PFKM: variants seen among roughly 807,000 people sequenced by gnomAD.
PFKM encodes phosphofructokinase, muscle.
In PFKM, 58 loss-of-function variants were observed where a neutral mutation model predicts 95.5. The ratio of observed to expected loss-of-function variants is 0.61; its 90% CI spans 0.49 to 0.76. The LOEUF is 0.76. PFKM is among the 30% of genes least tolerant of loss of function. The pLI is 0.00. For synonymous variants in PFKM, 336 were observed against 357.2 expected (o/e 0.94, Z 0.67); for missense variants, 678 against 1,005.4 (o/e 0.67, Z 4.40).
intron 20 of PFKM, among the ~76,000 whole-genome samples, chr12:48,144,508 T>A (rs7484648): frequency 6.6e-6 from 1 of 152,162 alleles, no homozygotes; most frequent in South Asian, 2.1e-4. Flanking sequence ...ACCCACTAGA[T>A]GCCAGTAGCA....
chr12:48,105,869 G>A (rs984040131), upstream of PFKM: 13 of 606,266 alleles, frequency 2.1e-5, no homozygotes, highest in South Asian at 3.9e-5. Context: ...GGGGAGGGGA[G>A]GTGGTCCCAG....
intron 20 of PFKM, 35 bp from the exon 21 acceptor site, chr12:48,144,996 C>A: frequency 1.4e-6 from 2 of 1,414,696 alleles, no homozygotes; most frequent in South Asian, 2.3e-5. Context: ...TCATTAGAGT[C>A]CTTCCCTCTG....
intron 10 of PFKM, among the ~76,000 whole-genome samples, chr12:48,135,892 T>A (rs1950033707): frequency 1.3e-5 from 2 of 151,860 alleles, no homozygotes; most frequent in South Asian, 4.2e-4. Flanking sequence ...ATTATTATTA[T>A]TATTATTATT....
Position 48,145,791 on chromosome 12 carries a change from CT to C in PFKM, c.*84del, listed in dbSNP as rs1269610425. 4 of 1,461,932 alleles carry C rather than the reference CT, an allele frequency of 2.7e-6. No homozygotes were observed. The highest frequency in any genetic ancestry group is 3.8e-6 in the Non-Finnish European group (4 of 1,043,596). 90.6% of individuals were successfully genotyped at this position (1,461,932 alleles called of 1,614,324 possible). ...AGTCCACATCTTCTCAGTGTTTTAG[CT>C]GTTTTTTTCATTAGGTTTCCTTTTA... is the stretch of plus-strand genomic sequence containing the variant. On this transcript the variant is annotated 3_prime_UTR_variant, in exon 23 of 23. Transcript: ENST00000359794. The surrounding 1 kb of genome is among the most constrained non-coding windows in gnomAD (Gnocchi z 4.3).
chr12:48,128,416 T>C (rs1291525465), intron 2 of PFKM, among the ~76,000 whole-genome samples: 1 of 152,154 alleles, frequency 6.6e-6, no homozygotes, highest in Non-Finnish European at 1.5e-5. Flanking sequence ...ATGTCTTTTA[T>C]AGGGACCAAT....
intron 20 of PFKM, 50 bp from the exon 21 acceptor site, chr12:48,144,981 C>A: frequency 1.6e-6 from 2 of 1,264,614 alleles, no homozygotes; most frequent in Middle Eastern, 1.9e-4. Flanking sequence ...GATATCTCTG[C>A]CACTTCATTA....
In PFKM at chr12:48,143,792, G is replaced by A; in HGVS notation, c.1858G>A (p.Val620Met). ...TCTGGTGCAAAAGATGAAAACAACT[G>A]TGAAAAGGGGCTTGGTGTTAAGGTA... ...EHLVQKMKTT[V>M]KRGLVLRNEK... The change falls in exon 19 of 23, where the codon GTG becomes ATG. Residue 620 changes from valine (V) to methionine (M), a missense_variant. Transcript: ENST00000359794. 6.2e-7 allele frequency: 1 copy of A among 1,613,096 alleles called. No individual in the cohort carries two copies. The highest frequency in any genetic ancestry group is 1.7e-5 in the Admixed American group (1 of 60,026).
At chr12:48,141,885 A>G (rs752590463) in intron 16 of PFKM, 29 bp from the exon 17 acceptor site, 9 of 1,613,660 alleles carry the variant, frequency 5.6e-6, no homozygotes, top group Middle Eastern at 3.3e-4. Context: ...CCTCTCCCCA[A>G]TCCTGCCCTT....
At chr12:48,117,074 C>T (rs150482911), upstream of PFKM, among the ~76,000 whole-genome samples, 1 of 152,258 alleles carries the variant, frequency 6.6e-6, no homozygotes, top group Non-Finnish European at 1.5e-5. Context: ...TTATTGTCTC[C>T]GTAGTTTTAC....
intron 10 of PFKM, among the ~76,000 whole-genome samples, chr12:48,137,009 C>G (rs1015832180): frequency 3.3e-5 from 5 of 150,962 alleles, no homozygotes; most frequent in African/African-American, 9.7e-5. Context: ...CTGCCTCGGC[C>G]TCCCAAAACA....
chr12:48,109,753 G>A (rs1201959242), intron 3 of PFKM, among the ~76,000 whole-genome samples: 1 of 152,056 alleles, frequency 6.6e-6, no homozygotes, highest in Non-Finnish European at 1.5e-5. Context: ...CTAGAGAAAG[G>A]AAATCTAATA....
intron 10 of PFKM, among the ~76,000 whole-genome samples, chr12:48,136,229 C>G (rs1308857725): frequency 1.3e-5 from 2 of 152,162 alleles, no homozygotes; most frequent in Non-Finnish European, 2.9e-5. Context: ...TAATCTGTCT[C>G]TTTGTCTGTA....
In PFKM at chr12:48,141,783, A is replaced by C. The variant is rs1374960302; in HGVS notation, c.1456A>C (p.Thr486Pro). 8 of 1,613,634 alleles carry C rather than the reference A, an allele frequency of 5.0e-6. No homozygotes were observed. Among genetic ancestry groups the C allele is most frequent in the Non-Finnish European group, 6.8e-6 (8 of 1,179,802 alleles). Residue 486 changes from threonine to proline, a missense_variant, in exon 16 of 23, where the codon ACT (threonine) becomes CCT (proline). Physicochemically the swap from Thr to Pro is conservative, Grantham distance 38. Transcript: ENST00000359794. ...CTTTGAACAGATCAGTGCCAATATA[A>C]CTAAGTTTAACATTCAGGGCCTTGT... ...KSFEQISANI[T>P]KFNIQGLVII...
At chr12:48,127,915 C>G (rs1949024297) in intron 2 of PFKM, among the ~76,000 whole-genome samples, 1 of 152,240 alleles carries the variant, frequency 6.6e-6, no homozygotes, top group African/African-American at 2.4e-5. Context: ...TGAAACCCAT[C>G]ACCCATGGAT....
At chr12:48,115,095 T>C (rs1038462801), upstream of PFKM, among the ~76,000 whole-genome samples, 8 of 152,106 alleles carry the variant, frequency 5.3e-5, no homozygotes, top group African/African-American at 1.9e-4. Flanking sequence ...TCCCTGCAAT[T>C]GACTTGCCAC....
At chr12:48,132,038 A>G (rs1379335511) in intron 4 of PFKM, 1 of 455,912 alleles carries the variant, frequency 2.2e-6, no homozygotes, top group Non-Finnish European at 4.4e-6. Context: ...CTAAAAATCC[A>G]TGGGCAAAAA....
upstream of PFKM, chr12:48,105,753 G>C: frequency 1.8e-6 from 1 of 546,138 alleles, no homozygotes; most frequent in Non-Finnish European, 3.3e-6. Flanking sequence ...CTGCTGTAAC[G>C]GCAGGGAGAC....
At chr12:48,144,753 A>G (rs1355002486) in intron 20 of PFKM, among the ~76,000 whole-genome samples, 1 of 152,224 alleles carries the variant, frequency 6.6e-6, no homozygotes, top group Non-Finnish European at 1.5e-5. Context: ...CAATAAAACT[A>G]AAACAGGATC....
At position 48,144,100 on chromosome 12, in the gene PFKM, T is replaced by G; in HGVS notation, c.1935T>G (p.Ser645=). 1.2e-6 allele frequency: 2 copies of G among 1,614,008 alleles called. No homozygotes were observed. Among genetic ancestry groups the G allele is most frequent in the Non-Finnish European group, 1.7e-6 (2 of 1,179,890 alleles). Residue 645 remains serine (S), a synonymous_variant, in exon 20 of 23, where the codon TCT becomes TCG. Coordinates refer to ENST00000359794, the MANE Select transcript of PFKM (RefSeq NM_000289.6). ...YTTDFIFNLY[S]EEGKGIFDSR... is the part of the protein sequence containing the mutation. Reference sequence around the variant, plus strand: ...CTGACTTCATTTTCAACCTGTACTCTGAGGAGGGGAAGGGCATCTTCGACA... The same window carrying G: ...CTGACTTCATTTTCAACCTGTACTCGGAGGAGGGGAAGGGCATCTTCGACA...
Sources: allele counts gnomAD v4.1 joint callset (sites outside exome capture counted in the v4.1 genomes callset), GRCh38; gene constraint gnomAD v4.1.1; non-coding constraint Gnocchi (gnomAD v3.1); transcripts MANE v1.5; gene names NCBI Gene and HGNC (gene_info 2026-07-23, HGNC 2026-07-21).